The following PARD3 variants were observed in gnomAD, a reference collection of about 807,000 sequenced individuals.
The protein encoded by PARD3 is partitioning defective 3 homolog.
In PARD3, 75 loss-of-function variants were observed where a neutral mutation model predicts 155.4. That is an observed-to-expected ratio of 0.48 (90% confidence interval 0.40 to 0.58). The LOEUF (loss-of-function observed/expected upper bound fraction) is 0.58. PARD3 is among the 20% of genes least tolerant of loss of function. The pLI is 0.00. For missense variants in PARD3, 1,642 were observed against 1,721.7 expected (o/e 0.95, Z 0.82); for synonymous variants, 576 against 610.5 (o/e 0.94, Z 0.83).
rs373391129 is a variant in PARD3 at position 34,496,916 on chromosome 10, T to A, written c.403+20063A>T. ...AAAATAGTATACTATTTTTAAAATG[T>A]ATACTAAAATGTTTTCAGAAGAAGT... On this transcript the variant is annotated intron_variant, in intron 3 of 24. Coordinates refer to ENST00000374788, the MANE Select transcript of PARD3 (RefSeq NM_001184785.2). Among the ~76,000 whole-genome samples, 23 of 152,138 alleles carry A rather than the reference T, an allele frequency of 1.5e-4. No individual in the cohort carries two copies. The South Asian group carries it at 4.8e-3, about 32-fold the overall frequency.
intron 1 of PARD3, among the ~76,000 whole-genome samples, chr10:34,707,436 CAA>C (rs906055194): frequency 6.7e-6 from 1 of 150,184 alleles, no homozygotes; most frequent in East Asian, 1.9e-4. Flanking sequence ...GATACACCAC[CAA>C]AAAAAAAGTC....
At chr10:34,781,963 T>C (rs1384300910) in intron 1 of PARD3, among the ~76,000 whole-genome samples, 1 of 152,220 alleles carries the variant, frequency 6.6e-6, no homozygotes, top group East Asian at 1.9e-4. Flanking sequence ...CCCTTCACAG[T>C]ACATAAACAT....
At chr10:34,502,675 G>A (rs1366774559) in intron 3 of PARD3, among the ~76,000 whole-genome samples, 1 of 152,092 alleles carries the variant, frequency 6.6e-6, no homozygotes, top group Non-Finnish European at 1.5e-5. Context: ...GTGTGGTGGT[G>A]ACTACCTATA....
chr10:34,430,041 T>C (rs2075824194), intron 5 of PARD3, among the ~76,000 whole-genome samples: 1 of 152,226 alleles, frequency 6.6e-6, no homozygotes, highest in South Asian at 2.1e-4. Flanking sequence ...TAAAAATCTG[T>C]TTTATTTACA....
At chr10:34,284,320 A>T in intron 20 of PARD3, 75 bp from the exon 21 acceptor site, 1 of 811,158 alleles carries the variant, frequency 1.2e-6, no homozygotes, top group African/African-American at 1.8e-5. Flanking sequence ...AATGACATAT[A>T]CCCAATGAAA....
At chr10:34,250,097 T>C (rs1337069106) in intron 22 of PARD3, among the ~76,000 whole-genome samples, 2 of 151,222 alleles carry the variant, frequency 1.3e-5, no homozygotes, top group African/African-American at 2.5e-5. Context: ...ACATATGAAA[T>C]AGAAAATTTA....
chr10:34,315,468 T>TA (rs1329138004), intron 20 of PARD3, among the ~76,000 whole-genome samples: 3 of 152,208 alleles, frequency 2.0e-5, no homozygotes, highest in Non-Finnish European at 2.9e-5. Flanking sequence ...AACAAGCCGT[T>TA]AGAGCTTTCA....
chr10:34,417,237 C>T (rs1845758616), intron 5 of PARD3, among the ~76,000 whole-genome samples: 1 of 152,156 alleles, frequency 6.6e-6, no homozygotes, highest in African/African-American at 2.4e-5. Flanking sequence ...TACTGTAATG[C>T]TGTGGTCTCG....
chr10:34,675,129 G>A (rs772788257), intron 2 of PARD3, among the ~76,000 whole-genome samples: 22 of 152,082 alleles, frequency 1.4e-4, no homozygotes, highest in Non-Finnish European at 2.8e-4. Flanking sequence ...TCCTTGAAAA[G>A]GAAGTCTTTT....
chr10:34,531,593 G>A (rs1159035677), intron 2 of PARD3, among the ~76,000 whole-genome samples: 1 of 152,156 alleles, frequency 6.6e-6, no homozygotes, highest in Non-Finnish European at 1.5e-5. Context: ...TTTTGTGCCT[G>A]CTGGCATACC....
intron 2 of PARD3, among the ~76,000 whole-genome samples, chr10:34,612,756 G>T (rs1004491261): frequency 1.3e-5 from 2 of 152,212 alleles, no homozygotes; most frequent in African/African-American, 4.8e-5. Flanking sequence ...ACTGTTGCTA[G>T]TCATCATAGC....
chr10:34,409,624 G>A (rs963716251), intron 5 of PARD3, among the ~76,000 whole-genome samples: 33 of 152,130 alleles, frequency 2.2e-4, no homozygotes, highest in African/African-American at 7.7e-4. Flanking sequence ...TTGCACGAAG[G>A]GCGTCTGCAC....
At chr10:34,402,583 G>C (rs1844007935) in intron 5 of PARD3, among the ~76,000 whole-genome samples, 1 of 152,112 alleles carries the variant, frequency 6.6e-6, no homozygotes, top group Non-Finnish European at 1.5e-5. Context: ...TTACTTCTGT[G>C]CATGAAGGAC....
chr10:34,129,903 C>T (rs971790034), intron 23 of PARD3, among the ~76,000 whole-genome samples: 12 of 148,510 alleles, frequency 8.1e-5, no homozygotes, highest in Non-Finnish European at 1.5e-5. Flanking sequence ...CTCCTGGGCT[C>T]GAGCAATGCT....
chr10:34,613,379 AACACTTTT>A (rs1409059311), intron 2 of PARD3, among the ~76,000 whole-genome samples: 1 of 152,126 alleles, frequency 6.6e-6, no homozygotes, highest in African/African-American at 2.4e-5. Context: ...GCAGCCCCAA[AACACTTTT>A]ATGGCTTGAA....
At chr10:34,501,767 C>T (rs538085055) in intron 3 of PARD3, among the ~76,000 whole-genome samples, 100 of 152,188 alleles carry the variant, frequency 6.6e-4, no homozygotes, top group South Asian at 4.8e-3. Flanking sequence ...CATCTTAATC[C>T]CTAGAACCTG....
chr10:34,350,412 A>G (rs1022428180), intron 14 of PARD3, among the ~76,000 whole-genome samples: 12 of 152,184 alleles, frequency 7.9e-5, no homozygotes, highest in African/African-American at 2.9e-4. Context: ...TGGAAGGCCG[A>G]GGCGGGTGGA....
chr10:34,696,448 T>C (rs1323320093), intron 1 of PARD3, 29 bp from the exon 2 acceptor site: 2 of 1,284,084 alleles, frequency 1.6e-6, no homozygotes, highest in East Asian at 2.3e-5. Context: ...ACACTGAATA[T>C]AGCAAGTTAG....
intron 2 of PARD3, among the ~76,000 whole-genome samples, chr10:34,558,187 A>G (rs2085170419): frequency 6.6e-6 from 1 of 152,140 alleles, no homozygotes; most frequent in Non-Finnish European, 1.5e-5. Context: ...TGAATACGTA[A>G]TTATATTCCC....
Sources: gnomAD v4.1 joint callset for allele counts (sites outside exome capture counted in the v4.1 genomes callset) on GRCh38, gnomAD v4.1.1 for gene constraint, MANE v1.5 for transcripts, NCBI Gene and HGNC (gene_info 2026-07-23, HGNC 2026-07-21) for gene names.